Variants in TMOD3 observed in about 807,000 individuals in gnomAD.
TMOD3 encodes tropomodulin 3, also known as tropomodulin-3.
A neutral mutation model predicts 39.2 loss-of-function variants in TMOD3; 20 were observed. That is an observed-to-expected ratio of 0.51 (90% CI 0.36 to 0.74). TMOD3 has a LOEUF of 0.74. TMOD3 is among the 30% of genes least tolerant of loss of function. The pLI is 0.00. For missense variants in TMOD3, 381 were observed against 412.8 expected (o/e 0.92, Z 0.67); for synonymous variants, 143 against 145.8 (o/e 0.98, Z 0.14).
chr15:51,850,427 A>G (rs1211733276), intron 1 of TMOD3, among the ~76,000 whole-genome samples: 1 of 152,068 alleles, frequency 6.6e-6, no homozygotes, highest in Non-Finnish European at 1.5e-5. Context: ...TGTTGATATG[A>G]TGGGAACTCA....
intron 5 of TMOD3, among the ~76,000 whole-genome samples, chr15:51,889,727 A>G (rs960216357): frequency 8.5e-5 from 13 of 152,138 alleles, no homozygotes; most frequent in Admixed American, 3.3e-4. Context: ...TTAGCTGGGC[A>G]TGGTGGCACA....
rs539624678 is a variant in TMOD3 at position 51,872,620 on chromosome 15, G to C, written c.283+3247G>C. ...AATTTGTTTTTTTTTTTTTTGGTTTGGTTTTTAGAGATGAGGACTCACTCT... is the reference window on the plus strand; with the variant it reads ...AATTTGTTTTTTTTTTTTTTGGTTTCGTTTTTAGAGATGAGGACTCACTCT... On this transcript the variant is annotated intron_variant, in intron 3 of 9. Coordinates refer to ENST00000308580, the MANE Select transcript of TMOD3 (RefSeq NM_014547.5). 9.5e-5 allele frequency among the ~76,000 whole-genome samples: 11 copies of C among 115,672 alleles called. No individual in the cohort carries two copies. In the East Asian group the frequency reaches 2.5e-3, roughly 26 times the overall value. 75.9% of individuals were successfully genotyped at this position (115,672 alleles called of 152,430 possible).
Position 51,858,756 on chromosome 15 carries a change from G to A in TMOD3, c.-74-4055G>A, listed in dbSNP as rs7180366. Among the ~76,000 whole-genome samples, 882 of 152,212 alleles carry A rather than the reference G, an allele frequency of 5.8e-3. 7 individuals carry two copies. The highest frequency in any genetic ancestry group is 0.02 in the African/African-American group (835 of 41,510). On this transcript the variant is annotated intron_variant, in intron 1 of 9. Transcript: ENST00000308580. ...ATTAGAGATACTCATACTTGAACTGGGATAATAAGTAAAACCCAGTCGTAT... is the reference window on the plus strand; with the variant it reads ...ATTAGAGATACTCATACTTGAACTGAGATAATAAGTAAAACCCAGTCGTAT...
rs987999664 is a variant in TMOD3 at position 51,913,196 on chromosome 15, A to C, written c.*4386A>C. On this transcript the variant is annotated 3_prime_UTR_variant, in exon 10 of 10. Transcript: ENST00000308580. The stretch of plus-strand genomic sequence containing the variant: ...CACCATGTTGGCCGGGCTGTTCTCA[A>C]AGTGACCTCAGGTGATCCACTCGCC... 1 of 152,084 alleles carries C rather than the reference A, an allele frequency of 6.6e-6. No homozygotes were observed. The highest frequency in any genetic ancestry group is 1.5e-5 in the Non-Finnish European group (1 of 68,054). 9.4% of individuals were successfully genotyped at this position (152,084 alleles called of 1,614,324 possible).
intron 3 of TMOD3, among the ~76,000 whole-genome samples, chr15:51,881,407 G>A (rs1303251891): frequency 2.0e-5 from 3 of 152,124 alleles, no homozygotes; most frequent in Middle Eastern, 3.4e-3. Flanking sequence ...TCACTTTCTT[G>A]ATGGTATAAT....
chr15:51,906,285 CAAAAG>C (rs750686839), intron 9 of TMOD3, among the ~76,000 whole-genome samples: 190 of 152,290 alleles, frequency 1.2e-3, no homozygotes, highest in Non-Finnish European at 1.8e-3. Context: ...TGTACTAACT[CAAAAG>C]AGATAATCAA....
In TMOD3 at chr15:51,890,703, G is replaced by A. The variant is rs1018558996; in HGVS notation, c.496+1558G>A. 3.9e-5 allele frequency among the ~76,000 whole-genome samples: 6 copies of A among 152,136 alleles called. No homozygotes were observed. In the South Asian group the frequency reaches 8.3e-4, roughly 21 times the overall value. On this transcript the variant is annotated intron_variant, in intron 5 of 9. Coordinates refer to ENST00000308580, the MANE Select transcript of TMOD3 (RefSeq NM_014547.5). ...ATAGTGTATCACTTAGCAGTCGACC[G>A]TGTTTTCTAGTTAATATGTATACAT...
At chr15:51,853,536 G>A (rs1216461428) in intron 1 of TMOD3, among the ~76,000 whole-genome samples, 2 of 152,016 alleles carry the variant, frequency 1.3e-5, no homozygotes, top group African/African-American at 2.4e-5. Context: ...TTATATATCT[G>A]ATTTTCTAGG....
intron 7 of TMOD3, among the ~76,000 whole-genome samples, chr15:51,897,732 C>T (rs1418881425): frequency 1.4e-5 from 2 of 148,140 alleles, no homozygotes; most frequent in African/African-American, 5.0e-5. Context: ...ATCCGCCCAC[C>T]TCAACCTCCC....
At chr15:51,857,459 CTG>C (rs796313682) in intron 1 of TMOD3, among the ~76,000 whole-genome samples, 3 of 152,264 alleles carry the variant, frequency 2.0e-5, no homozygotes, top group African/African-American at 7.2e-5. Context: ...TTTAGTCTCT[CTG>C]TGGAATGTAG....
chr15:51,877,033 A>T (rs1595902090), intron 3 of TMOD3, among the ~76,000 whole-genome samples: 1 of 152,146 alleles, frequency 6.6e-6, no homozygotes, highest in East Asian at 1.9e-4. Context: ...ACTGCACTCC[A>T]CCCTTGGCAT....
At chr15:51,897,375 A>C (rs2056626143) in intron 7 of TMOD3, among the ~76,000 whole-genome samples, 1 of 151,854 alleles carries the variant, frequency 6.6e-6, no homozygotes, top group South Asian at 2.1e-4. Flanking sequence ...CTTACATGTA[A>C]GTCCTCAAAC....
chr15:51,871,464 G>GA (rs2056474417), intron 3 of TMOD3, among the ~76,000 whole-genome samples: 1 of 152,100 alleles, frequency 6.6e-6, no homozygotes, highest in East Asian at 1.9e-4. Flanking sequence ...AATGGAGGTA[G>GA]AAACAAAGCG....
intron 1 of TMOD3, among the ~76,000 whole-genome samples, chr15:51,856,664 G>T (rs2056389285): frequency 6.6e-6 from 1 of 151,324 alleles, no homozygotes; most frequent in Admixed American, 6.6e-5. Context: ...ATTTGCCAAT[G>T]AACATATGAA....
At chr15:51,844,679 A>G (rs1232860445) in intron 1 of TMOD3, among the ~76,000 whole-genome samples, 1 of 152,238 alleles carries the variant, frequency 6.6e-6, no homozygotes, top group Non-Finnish European at 1.5e-5. Flanking sequence ...CAGAATTTAT[A>G]TTTAATTTTG....
intron 2 of TMOD3, among the ~76,000 whole-genome samples, chr15:51,867,782 C>T (rs1020680371): frequency 4.6e-5 from 7 of 152,182 alleles, no homozygotes; most frequent in African/African-American, 1.7e-4. Flanking sequence ...TGAGACAAGG[C>T]AGTATCACCT....
intron 1 of TMOD3, among the ~76,000 whole-genome samples, chr15:51,848,798 A>G (rs762790161): frequency 2.0e-5 from 3 of 152,224 alleles, no homozygotes; most frequent in Non-Finnish European, 4.4e-5. Context: ...GCCAGTCAAT[A>G]TCTGAAACAA....
At chr15:51,839,157 G>A (rs1026110448) in intron 1 of TMOD3, among the ~76,000 whole-genome samples, 5 of 83,102 alleles carry the variant, frequency 6.0e-5, no homozygotes, top group Non-Finnish European at 8.3e-5. Flanking sequence ...AGAAATAGGT[G>A]TATCTCTCTT....
intron 3 of TMOD3, among the ~76,000 whole-genome samples, chr15:51,880,950 G>A (rs757477338): frequency 5.3e-5 from 8 of 152,156 alleles, no homozygotes; most frequent in Non-Finnish European, 7.3e-5. Context: ...ATGTACCAGG[G>A]TTGAAATTTC....
Sources: gnomAD v4.1 joint callset for allele counts (sites outside exome capture counted in the v4.1 genomes callset) on GRCh38, gnomAD v4.1.1 for gene constraint, MANE v1.5 for transcripts, NCBI Gene and HGNC (gene_info 2026-07-23, HGNC 2026-07-21) for gene names.